Variants in ZNF717 observed in about 807,000 individuals in gnomAD.
ZNF717 encodes the protein krueppel-like factor X17.
In ZNF717, 9 loss-of-function variants were observed where a neutral mutation model predicts 13.8. The observed-to-expected ratio is 0.65, with a 90% CI of 0.39 to 1.14. The LOEUF is 1.14. Ranked by LOEUF, ZNF717 falls within the 50% of genes most tolerant of loss-of-function variation. The pLI is 0.01. For missense variants in ZNF717, 1,040 were observed against 1,080.7 expected, an observed-to-expected ratio of 0.96 and a Z score of 0.53; for synonymous variants, 327 against 364.1, an observed-to-expected ratio of 0.90 and a Z score of 1.16.
intron 4 of ZNF717, among the ~76,000 whole-genome samples, chr3:75,721,932 A>G (rs77174630): frequency 6.6e-6 from 1 of 152,080 alleles, no homozygotes. Flanking sequence ...ATGATTACAT[A>G]AGAGAAATTA....
downstream of ZNF717, among the ~76,000 whole-genome samples, chr3:75,725,593 A>G (rs1399733389): frequency 1.3e-5 from 2 of 152,240 alleles, no homozygotes; most frequent in African/African-American, 4.8e-5. Flanking sequence ...TGGGTAATTT[A>G]TAAAGAAAAA....
intron 2 of ZNF717, among the ~76,000 whole-genome samples, chr3:75,778,385 C>T (rs1337275451): frequency 6.7e-6 from 1 of 149,008 alleles, no homozygotes; most frequent in African/African-American, 2.6e-5. Flanking sequence ...GAGTGATCTG[C>T]TAAAACCGGA....
At chr3:75,744,490 G>T (rs78050182) in intron 2 of ZNF717, among the ~76,000 whole-genome samples, 2 of 152,250 alleles carry the variant, frequency 1.3e-5, no homozygotes, top group Non-Finnish European at 2.9e-5. Flanking sequence ...AGACAGAGAA[G>T]TGAATATAGG....
At chr3:75,783,528 G>A (rs1944961162) in intron 1 of ZNF717, among the ~76,000 whole-genome samples, 164 bp from the exon 2 acceptor site, 1 of 152,336 alleles carries the variant, frequency 6.6e-6, no homozygotes, top group South Asian at 2.1e-4. Context: ...CTCATTAGGG[G>A]CAGCAAAGAC....
chr3:75,784,767 A>T (rs1340909165), intron 1 of ZNF717: 1 of 152,218 alleles, frequency 6.6e-6, no homozygotes, highest in Non-Finnish European at 1.5e-5. Flanking sequence ...CCGAGCGAGG[A>T]AAACTGGGAT....
At chr3:75,714,309 G>A (rs796761508) in intron 5 of ZNF717, among the ~76,000 whole-genome samples, 80 of 151,654 alleles carry the variant, frequency 5.3e-4, no homozygotes, top group African/African-American at 1.7e-3. Flanking sequence ...ACCACGGTCC[G>A]CTTAGGTCAC....
intron 4 of ZNF717, among the ~76,000 whole-genome samples, chr3:75,739,848 A>G (rs1026875595): frequency 2.0e-5 from 3 of 152,334 alleles, no homozygotes; most frequent in Middle Eastern, 3.4e-3. Context: ...GATTTTGCCT[A>G]TATGTTAACC....
intron 2 of ZNF717, among the ~76,000 whole-genome samples, chr3:75,757,409 T>C (rs1234956556): frequency 5.3e-5 from 8 of 152,194 alleles, no homozygotes; most frequent in Non-Finnish European, 1.2e-4. Context: ...ACTCTACAAA[T>C]GGGAACAAAG....
chr3:75,754,035 C>T (rs1444288691), intron 2 of ZNF717, among the ~76,000 whole-genome samples: 1 of 152,212 alleles, frequency 6.6e-6, no homozygotes, highest in African/African-American at 2.4e-5. Context: ...TTGTCCCTGA[C>T]ATAGGATTCC....
intron 4 of ZNF717, among the ~76,000 whole-genome samples, chr3:75,719,969 TAAATAATAA>T (rs1355442708): frequency 2.0e-5 from 1 of 50,742 alleles, no homozygotes; most frequent in Non-Finnish European, 3.6e-5. Context: ...AAAATAATAA[TAAATAATAA>T]TAATAATAAT....
intron 6 of ZNF717, among the ~76,000 whole-genome samples, chr3:75,697,906 G>T (rs796766376): frequency 2.0e-5 from 3 of 152,298 alleles, no homozygotes; most frequent in Non-Finnish European, 4.4e-5. Context: ...TAGTGATCTG[G>T]ACAGTGAAGG....
intron 2 of ZNF717, among the ~76,000 whole-genome samples, chr3:75,779,425 T>C (rs1427283556): frequency 1.1e-4 from 16 of 144,552 alleles, no homozygotes; most frequent in Non-Finnish European, 1.5e-4. Flanking sequence ...CCCAAAACAA[T>C]GGGAGTGATG....
At chr3:75,713,964 GGA>G (rs66644336) in intron 5 of ZNF717, among the ~76,000 whole-genome samples, 1 of 152,000 alleles carries the variant, frequency 6.6e-6, no homozygotes, top group South Asian at 2.1e-4. Context: ...GCTGAGGTGG[GGA>G]GAGAGAGAGA....
At chr3:75,706,720 T>C (rs552151359), downstream of ZNF717, among the ~76,000 whole-genome samples, 3 of 152,430 alleles carry the variant, frequency 2.0e-5, no homozygotes, top group South Asian at 6.2e-4. Context: ...CTGCTCCCAT[T>C]GGACTATTAG....
chr3:75,745,343 T>C (rs55742774), intron 2 of ZNF717, among the ~76,000 whole-genome samples: 14,112 of 152,008 alleles, frequency 0.093, 1,118 homozygotes, highest in African/African-American at 0.2. Flanking sequence ...TGGAATCCTA[T>C]CTGAAGGACA....
downstream of ZNF717, among the ~76,000 whole-genome samples, chr3:75,704,838 C>T (rs1344981583): frequency 1.1e-4 from 17 of 152,156 alleles, no homozygotes; most frequent in African/African-American, 3.9e-4. Context: ...GTTTAATTTG[C>T]CACTGGTCCA....
intron 2 of ZNF717, among the ~76,000 whole-genome samples, chr3:75,765,025 A>ATG (rs1423616278): frequency 0.018 from 1,088 of 60,700 alleles, 1 homozygote; most frequent in African/African-American, 0.033. Flanking sequence ...ATATATATAT[A>ATG]TATATGTATA....
At chr3:75,776,737 C>T (rs1478889864) in intron 2 of ZNF717, among the ~76,000 whole-genome samples, 2 of 152,300 alleles carry the variant, frequency 1.3e-5, no homozygotes, top group South Asian at 4.1e-4. Flanking sequence ...ACAGTTTCTC[C>T]CCCAGAAGAA....
chr3:75,773,589 G>C (rs1944061768), intron 2 of ZNF717, among the ~76,000 whole-genome samples: 1 of 152,112 alleles, frequency 6.6e-6, no homozygotes, highest in Admixed American at 6.5e-5. Context: ...TTTTGCTCTG[G>C]ACAGAATGAA....
Sources: allele counts gnomAD v4.1 joint callset (sites outside exome capture counted in the v4.1 genomes callset), GRCh38; gene constraint gnomAD v4.1.1; transcripts MANE v1.5; gene names NCBI Gene and HGNC (gene_info 2026-07-23, HGNC 2026-07-21).